The following SLC7A9 variants were observed in gnomAD, a reference collection of about 807,000 sequenced individuals.
SLC7A9 encodes the protein B(0,+)-type amino acid transporter 1.
SLC7A9 carries 38 observed loss-of-function variants against 54.1 expected under a neutral mutation model. The ratio of observed to expected loss-of-function variants is 0.70; its 90% confidence interval spans 0.54 to 0.92. SLC7A9 has a LOEUF of 0.92. Ranked by LOEUF, SLC7A9 falls within the 40% of genes least tolerant of loss-of-function variation. The pLI, the probability that SLC7A9 is intolerant of heterozygous loss-of-function variation, is 0.00. For missense variants in SLC7A9, 537 were observed against 636.1 expected (o/e 0.84, Z 1.68); for synonymous variants, 264 against 258.9 (o/e 1.02, Z -0.19).
chr19:32,845,673 CAT>C (rs1968267273), intron 9 of SLC7A9, among the ~76,000 whole-genome samples: 1 of 152,032 alleles, frequency 6.6e-6, no homozygotes, highest in South Asian at 2.1e-4. Context: ...CCACAGGAAA[CAT>C]AAAAATATCA....
chr19:32,845,695 G>A (rs747935149), intron 9 of SLC7A9, among the ~76,000 whole-genome samples: 3 of 152,110 alleles, frequency 2.0e-5, no homozygotes, highest in Admixed American at 6.6e-5. Context: ...AGTGAGCCAC[G>A]AAGGTCATTT....
Position 32,864,095 on chromosome 19 carries a change from C to T in SLC7A9, c.478+1G>A, listed in dbSNP as rs1163022861. 6.2e-7 allele frequency: 1 copy of T among 1,613,996 alleles called. No individual in the cohort carries two copies. The highest frequency in any genetic ancestry group is 8.5e-7 in the Non-Finnish European group (1 of 1,180,044). On this transcript the variant is annotated splice_donor_variant, in intron 4 of 12. Coordinates refer to ENST00000023064, the MANE Select transcript of SLC7A9 (RefSeq NM_014270.5). LOFTEE classifies it high-confidence loss of function. ...CCCCTGCCCTGGGCTCAGGTACTCA[C>T]AGATGGCGGCGGCGGCCAGGCATTT...
rs1968196524 is a variant in SLC7A9, at chr19:32,843,800, C to A, written c.1074+55G>T. 2.2e-6 allele frequency: 3 copies of A among 1,362,880 alleles called. No homozygotes were observed. The East Asian group carries it at 6.9e-5, about 31-fold the overall frequency. 84.4% of individuals were successfully genotyped at this position (1,362,880 alleles called of 1,614,324 possible). A position where few individuals can be genotyped will look rare whatever the true frequency, so the allele number is the denominator to read the frequency against. On this transcript the variant is annotated intron_variant, in intron 10 of 12. Coordinates refer to ENST00000023064, the MANE Select transcript of SLC7A9 (RefSeq NM_014270.5). ...TTGGAAGCCGCCGGGCTTAGCACCCCATGGATGGAGTGTCCCCGCCTTGAA... is the reference window on the plus strand; with the variant it reads ...TTGGAAGCCGCCGGGCTTAGCACCCAATGGATGGAGTGTCCCCGCCTTGAA...
intron 11 of SLC7A9, among the ~76,000 whole-genome samples, chr19:32,840,269 C>T (rs1212821691): frequency 6.6e-6 from 1 of 152,046 alleles, no homozygotes; most frequent in Non-Finnish European, 1.5e-5. Flanking sequence ...ACCTCCTGGG[C>T]TCAAGCATTC....
chr19:32,831,742 C>T (rs1223981446), intron 12 of SLC7A9, among the ~76,000 whole-genome samples: 1 of 152,216 alleles, frequency 6.6e-6, no homozygotes, highest in Admixed American at 6.5e-5. Context: ...AAAGAGTGAG[C>T]CCTGTGCCCT....
At chr19:32,837,079 T>G (rs1436853938) in intron 11 of SLC7A9, among the ~76,000 whole-genome samples, 3 of 152,172 alleles carry the variant, frequency 2.0e-5, no homozygotes, top group Non-Finnish European at 2.9e-5. Context: ...TTCTCTCGTG[T>G]TGTTTTATCT....
intron 2 of SLC7A9, among the ~76,000 whole-genome samples, chr19:32,868,068 T>C (rs1316761797): frequency 6.6e-6 from 1 of 151,088 alleles, no homozygotes; most frequent in African/African-American, 2.4e-5. Flanking sequence ...CTGTCTCTAC[T>C]AAAAATACAA....
At chr19:32,840,090 A>T (rs562087374) in intron 11 of SLC7A9, among the ~76,000 whole-genome samples, 12 of 151,722 alleles carry the variant, frequency 7.9e-5, no homozygotes, top group Admixed American at 5.9e-4. Flanking sequence ...TTTTCTCTCA[A>T]ACCCTTTCTA....
At chr19:32,853,748 CT>C (rs1379706569) in intron 9 of SLC7A9, among the ~76,000 whole-genome samples, 1 of 151,952 alleles carries the variant, frequency 6.6e-6, no homozygotes, top group Non-Finnish European at 1.5e-5. Context: ...GAAACCCTGT[CT>C]CTACTAAAAA....
intron 8 of SLC7A9, among the ~76,000 whole-genome samples, chr19:32,858,771 T>TATTTATTTATTTA (rs1968706472): frequency 7.0e-6 from 1 of 143,332 alleles, no homozygotes; most frequent in African/African-American, 2.9e-5. Flanking sequence ...CATAAATCTT[T>TATTTATTTATTTA]ATTTATTTAT....
rs146147555 is a variant in SLC7A9, at chr19:32,853,200, C to T, written c.977+5240G>A. Among the ~76,000 whole-genome samples the T allele has an allele frequency of 1.4e-3, 208 of 152,190 alleles. 8 individuals are homozygous for T. In the East Asian group the frequency reaches 0.035, roughly 26 times the overall value. On this transcript the variant is annotated intron_variant, in intron 9 of 12. Coordinates refer to ENST00000023064, the MANE Select transcript of SLC7A9 (RefSeq NM_014270.5). The stretch of plus-strand genomic sequence containing the variant: ...TGCTGGGATTACAGGCGTGAGCCAC[C>T]ACGCCTGGCCCATGTCATTCCATTT...
intron 11 of SLC7A9, among the ~76,000 whole-genome samples, chr19:32,840,022 A>G (rs1230898339): frequency 2.0e-5 from 3 of 151,996 alleles, no homozygotes; most frequent in Middle Eastern, 3.2e-3. Flanking sequence ...AGGGACTCCA[A>G]TTATGCATGT....
chr19:32,858,242 A>C lies in SLC7A9; in HGVS notation c.977+198T>G, dbSNP rs150990998. 2.8e-3 allele frequency among the ~76,000 whole-genome samples: 425 copies of C among 152,264 alleles called. 2 individuals carry two copies. The highest frequency in any genetic ancestry group is 9.9e-3 in the African/African-American group (412 of 41,556). ...GCAGCCTTGATCAATTCCCGTGTGC[A>C]GGCCCATCCATGCCTTCCTGGCCAG... On this transcript the variant is annotated intron_variant, in intron 9 of 12. Transcript: ENST00000023064.
At chr19:32,851,348 A>C (rs1413257577) in intron 9 of SLC7A9, among the ~76,000 whole-genome samples, 4 of 152,110 alleles carry the variant, frequency 2.6e-5, no homozygotes, top group Non-Finnish European at 5.9e-5. Context: ...ACCCCATCAA[A>C]AAGTGGGCAA....
intron 2 of SLC7A9, 91 bp downstream of exon 2, chr19:32,868,357 A>G: frequency 1.2e-6 from 1 of 866,980 alleles, no homozygotes. Flanking sequence ...CCGTGTCACT[A>G]GGGATCGGCC....
rs537525571 is a variant in SLC7A9, at chr19:32,862,582, G to A, written c.483C>T (p.Phe161=). ...CGCTCAGTGAGTTCACTGTCGAGAT[G>A]AACACTGGAAGGGTGGGGACAGTTT... The part of the protein sequence containing the change: ...VKCLAAAAIL[F]ISTVNSLSVR... The change falls in exon 5 of 13, where the codon TTC becomes TTT. Residue 161 remains phenylalanine, a synonymous_variant. Coordinates refer to ENST00000023064, the MANE Select transcript of SLC7A9 (RefSeq NM_014270.5). 655 of 1,613,948 alleles carry A rather than the reference G, an allele frequency of 4.1e-4. 4 individuals carry two copies. The South Asian group carries it at 6.9e-3, about 17-fold the overall frequency.
At chr19:32,842,986 T>C (rs1377470566) in intron 10 of SLC7A9, among the ~76,000 whole-genome samples, 3 of 152,176 alleles carry the variant, frequency 2.0e-5, no homozygotes, top group Non-Finnish European at 4.4e-5. Context: ...TGTGTGGCCC[T>C]GGACTGGTAT....
At chr19:32,852,990 T>C (rs1346358981) in intron 9 of SLC7A9, among the ~76,000 whole-genome samples, 1 of 148,362 alleles carries the variant, frequency 6.7e-6, no homozygotes, top group Admixed American at 6.9e-5. Flanking sequence ...CTCGGCTCAC[T>C]GCAACCTCCG....
intron 12 of SLC7A9, among the ~76,000 whole-genome samples, chr19:32,831,828 G>C (rs375330054): frequency 6.6e-6 from 1 of 152,226 alleles, no homozygotes; most frequent in African/African-American, 2.4e-5. Context: ...TTGCAATGCT[G>C]CTAGGCCTCT....
Sources: allele counts gnomAD v4.1 joint callset (sites outside exome capture counted in the v4.1 genomes callset), GRCh38; gene constraint gnomAD v4.1.1; transcripts MANE v1.5; gene names NCBI Gene and HGNC (gene_info 2026-07-23, HGNC 2026-07-21).